Variants in LYRM7 observed in about 807,000 individuals in gnomAD.
The protein encoded by LYRM7 is complex III assembly factor LYRM7.
LYRM7 carries 9 observed loss-of-function variants against 15.8 expected under a neutral mutation model. That is an observed-to-expected ratio of 0.57 (90% CI 0.34 to 0.99). The LOEUF (loss-of-function observed/expected upper bound fraction) is 0.99, where lower values mean the gene tolerates loss of function less well. Ranked by LOEUF, LYRM7 falls within the 50% of genes least tolerant of loss-of-function variation. The pLI is 0.02. For missense variants in LYRM7, 115 were observed against 119.1 expected (o/e 0.97, Z 0.16); for synonymous variants, 39 against 39.4 (o/e 0.99, Z 0.04).
intron 1 of LYRM7, among the ~76,000 whole-genome samples, chr5:131,173,988 C>T (rs997071453): frequency 6.6e-5 from 10 of 152,222 alleles, no homozygotes; most frequent in African/African-American, 2.2e-4. Flanking sequence ...CTCTTTCACA[C>T]ACAAAAGATT....
At chr5:131,184,650 G>GGGT (rs1755767706) in intron 3 of LYRM7, among the ~76,000 whole-genome samples, 2 of 150,254 alleles carry the variant, frequency 1.3e-5, no homozygotes, top group Non-Finnish European at 2.9e-5. Context: ...CGGGGGGGGG[G>GGGT]TTCCAGGATT....
At chr5:131,180,041 G>T (rs940432192) in intron 1 of LYRM7, 54 bp from the exon 2 acceptor site, 1 of 1,189,046 alleles carries the variant, frequency 8.4e-7, no homozygotes, top group Non-Finnish European at 1.2e-6. Context: ...CAAAGTGCTG[G>T]GATTACAGGC....
intron 4 of LYRM7, among the ~76,000 whole-genome samples, chr5:131,192,904 GC>G (rs1484348036): frequency 6.6e-6 from 1 of 151,912 alleles, no homozygotes; most frequent in African/African-American, 2.4e-5. Flanking sequence ...GATATTAGTC[GC>G]CTGGTTTCAG....
chr5:131,198,435 A>T (rs1756005157), intron 4 of LYRM7, among the ~76,000 whole-genome samples: 1 of 152,166 alleles, frequency 6.6e-6, no homozygotes, highest in African/African-American at 2.4e-5. Context: ...TTTCATGTCC[A>T]TGATGTTTTG....
rs926820212 is a variant in LYRM7, at chr5:131,202,782, G to A, written c.*3181G>A. The A allele has an allele frequency of 6.6e-6, 1 of 152,280 alleles. No individual in the cohort carries two copies. The highest frequency in any genetic ancestry group is 2.4e-5 in the African/African-American group (1 of 41,420). 9.4% of individuals were successfully genotyped at this position (152,280 alleles called of 1,614,324 possible). A position where few individuals can be genotyped will look rare whatever the true frequency, so the allele number is the denominator to read the frequency against. Reference sequence around the variant, plus strand: ...TTGACTATTGAGATCTAGTGAAAGTGGGGTATATGAATTCTAATTGCAAAT... The same window carrying A: ...TTGACTATTGAGATCTAGTGAAAGTAGGGTATATGAATTCTAATTGCAAAT... On this transcript the variant is annotated 3_prime_UTR_variant, in exon 5 of 5. Coordinates refer to ENST00000379380, the MANE Select transcript of LYRM7 (RefSeq NM_181705.4).
chr5:131,175,227 T>C (rs2149659118), intron 1 of LYRM7, among the ~76,000 whole-genome samples: 1 of 147,848 alleles, frequency 6.8e-6, no homozygotes, highest in Admixed American at 6.7e-5. Flanking sequence ...GTGATGGAGT[T>C]TCGCTATTGT....
chr5:131,175,744 A>ATTTT (rs568433533), intron 1 of LYRM7, among the ~76,000 whole-genome samples: 1,493 of 136,696 alleles, frequency 0.011, 29 homozygotes, highest in African/African-American at 0.049. Context: ...CATGTTGCCC[A>ATTTT]GGCTGGTTTT....
chr5:131,187,095 A>C lies in LYRM7; in HGVS notation c.230A>C (p.Asp77Ala). ...RTSVIQGIHT[D>A]HNTLKLVPRK... is the part of the protein sequence containing the mutation. ...TCTGTTATACAAGGTATTCACACAGACCACAATACACTGAGTAAGTAAAAT... is the reference window on the plus strand; with the variant it reads ...TCTGTTATACAAGGTATTCACACAGCCCACAATACACTGAGTAAGTAAAAT... Residue 77 changes from aspartate (D) to alanine (A), a missense_variant, in exon 4 of 5, where the codon GAC (aspartate) becomes GCC (alanine). Physicochemically the swap from Asp to Ala is moderately radical, Grantham distance 126 (BLOSUM62 -2). Transcript: ENST00000379380. 1 of 1,524,482 alleles carries C rather than the reference A, an allele frequency of 6.6e-7. No individual in the cohort carries two copies. Among genetic ancestry groups the C allele is most frequent in the Non-Finnish European group, 9.0e-7 (1 of 1,116,176 alleles). The allele number at this position is 1,524,482 out of a possible 1,614,324, so 94.4% of individuals were successfully genotyped here.
chr5:131,172,741 C>A (rs1038731290), intron 1 of LYRM7, among the ~76,000 whole-genome samples: 2 of 152,112 alleles, frequency 1.3e-5, no homozygotes, highest in African/African-American at 4.8e-5. Context: ...GAAATTATAA[C>A]CCTTAAAATT....
chr5:131,173,506 G>A (rs1755554349), intron 1 of LYRM7, among the ~76,000 whole-genome samples: 1 of 152,190 alleles, frequency 6.6e-6, no homozygotes, highest in African/African-American at 2.4e-5. Flanking sequence ...AGCACTTTGG[G>A]AGGCCCAGGT....
In LYRM7 at chr5:131,204,007, A is replaced by G. The variant is rs983336518; in HGVS notation, c.*4406A>G. The G allele has an allele frequency of 9.2e-5, 14 of 152,204 alleles. No homozygotes were observed. The highest frequency in any genetic ancestry group is 7.9e-4 in the Admixed American group (12 of 15,282). The allele number at this position is 152,204 out of a possible 1,614,324, so 9.4% of individuals were successfully genotyped here. ...AAGTTGTCACAAGTTAGACAATCAT[A>G]TCCAATATTTTTAAAGGTTGTAAGA... On this transcript the variant is annotated 3_prime_UTR_variant, in exon 5 of 5. Coordinates refer to ENST00000379380, the MANE Select transcript of LYRM7 (RefSeq NM_181705.4).
intron 4 of LYRM7, among the ~76,000 whole-genome samples, chr5:131,196,338 C>A (rs1170308068): frequency 2.0e-5 from 3 of 151,902 alleles, no homozygotes; most frequent in Non-Finnish European, 4.4e-5. Flanking sequence ...TTTTTACTAA[C>A]TGAGAAATTG....
chr5:131,182,166 A>G (rs1755723053), intron 2 of LYRM7, 63 bp from the exon 3 acceptor site: 2 of 1,286,290 alleles, frequency 1.6e-6, no homozygotes, highest in Admixed American at 3.3e-5. Flanking sequence ...TAATGTGTCA[A>G]TTATTGAGAT....
At chr5:131,184,641 G>GGA (rs991634906) in intron 3 of LYRM7, among the ~76,000 whole-genome samples, 1 of 89,582 alleles carries the variant, frequency 1.1e-5, no homozygotes, top group South Asian at 3.2e-4. Context: ...TTTTTTTGGC[G>GGA]GGGGGGGGGT....
rs1439651030 is a variant in LYRM7, at chr5:131,187,067, A to G, written c.202A>G (p.Thr68Ala). The change falls in exon 4 of 5, where the codon ACA becomes GCA. Residue 68 changes from threonine (T) to alanine (A), a missense_variant. By Grantham distance (58) the Thr-to-Ala change is moderately conservative (BLOSUM62 0). Coordinates refer to ENST00000379380, the MANE Select transcript of LYRM7 (RefSeq NM_181705.4). ...TTCTGATGTTGAATTATTACTCAGAACATCTGTTATACAAGGTATTCACAC... is the reference window on the plus strand; with the variant it reads ...TTCTGATGTTGAATTATTACTCAGAGCATCTGTTATACAAGGTATTCACAC... ...IGSDVELLLR[T>A]SVIQGIHTDH... is the part of the protein sequence containing the mutation. 2 of 1,564,670 alleles carry G rather than the reference A, an allele frequency of 1.3e-6. No individual in the cohort carries two copies. The highest frequency in any genetic ancestry group is 1.7e-6 in the Non-Finnish European group (2 of 1,148,784).
intron 3 of LYRM7, among the ~76,000 whole-genome samples, chr5:131,184,946 C>T (rs781073163): frequency 2.6e-5 from 4 of 152,112 alleles, no homozygotes; most frequent in Non-Finnish European, 5.9e-5. Context: ...ATTCTTCTCT[C>T]ACACTTATAT....
chr5:131,193,762 C>G (rs538249768), intron 4 of LYRM7, among the ~76,000 whole-genome samples: 1 of 152,160 alleles, frequency 6.6e-6, no homozygotes, highest in Admixed American at 6.5e-5. Context: ...AATCCCAGCA[C>G]TTGGTGGGAG....
chr5:131,173,603 G>T (rs1270859214), intron 1 of LYRM7, among the ~76,000 whole-genome samples: 1 of 152,128 alleles, frequency 6.6e-6, no homozygotes, highest in Non-Finnish European at 1.5e-5. Context: ...AATTAGCTAG[G>T]CTTGGTGGCA....
At chr5:131,184,640 C>CGGGGGGG (rs561008958) in intron 3 of LYRM7, among the ~76,000 whole-genome samples, 1 of 127,434 alleles carries the variant, frequency 7.8e-6, no homozygotes, top group African/African-American at 3.7e-5. Flanking sequence ...TTTTTTTTGG[C>CGGGGGGG]GGGGGGGGGG....
Sources: gnomAD v4.1 joint callset for allele counts (sites outside exome capture counted in the v4.1 genomes callset) on GRCh38, gnomAD v4.1.1 for gene constraint, MANE v1.5 for transcripts, NCBI Gene and HGNC (gene_info 2026-07-23, HGNC 2026-07-21) for gene names.